PIAS1: variants seen among roughly 807,000 people sequenced by gnomAD.
The protein encoded by PIAS1 is E3 SUMO-protein ligase PIAS1.
In PIAS1, 6 loss-of-function variants were observed where a neutral mutation model predicts 71.3. That is an observed-to-expected ratio of 0.08 (90% CI 0.05 to 0.17). PIAS1 has a LOEUF of 0.17. Ranked by LOEUF, PIAS1 falls within the 10% of genes least tolerant of loss-of-function variation. The probability of loss-of-function intolerance (pLI) is 1.00; values close to 1 mark genes in which losing one functional copy is unlikely to be tolerated. For missense variants in PIAS1, 555 were observed against 793.6 expected (o/e 0.70, Z 3.61); for synonymous variants, 303 against 292.9 (o/e 1.03, Z -0.35).
rs201688724 is a variant in PIAS1, at chr15:68,094,375, A to AAT, written c.469+7636_469+7637dup. ...GAAATAATTTATAGAAAATATTTGA[A>AAT]ATATATATATATTTATATAAACTTG... On this transcript the variant is annotated intron_variant, in intron 2 of 13. Coordinates refer to ENST00000249636, the MANE Select transcript of PIAS1 (RefSeq NM_016166.3). Among the ~76,000 whole-genome samples the AAT allele has an allele frequency of 4.1e-3, 621 of 151,720 alleles. 5 individuals carry two copies. Among genetic ancestry groups the AAT allele is most frequent in the African/African-American group, 0.012 (516 of 41,446 alleles).
chr15:68,140,565 A>G (rs2092763279), intron 2 of PIAS1, among the ~76,000 whole-genome samples: 1 of 152,226 alleles, frequency 6.6e-6, no homozygotes, highest in Admixed American at 6.5e-5. Flanking sequence ...CCTAGAACAC[A>G]TAAAGCAGAA....
intron 2 of PIAS1, among the ~76,000 whole-genome samples, chr15:68,108,806 G>T (rs1026694022): frequency 7.2e-5 from 11 of 152,100 alleles, no homozygotes; most frequent in African/African-American, 2.7e-4. Flanking sequence ...TAGTTAGGAT[G>T]TTTTATTGGC....
intron 7 of PIAS1, among the ~76,000 whole-genome samples, chr15:68,161,041 CT>C (rs1225261096): frequency 4.6e-5 from 7 of 152,138 alleles, no homozygotes; most frequent in African/African-American, 1.7e-4. Context: ...ACCTTATGGT[CT>C]GCATAGAAAA....
chr15:68,112,625 G>A (rs763000474), intron 2 of PIAS1, among the ~76,000 whole-genome samples: 2 of 152,118 alleles, frequency 1.3e-5, no homozygotes, highest in Non-Finnish European at 2.9e-5. Flanking sequence ...AGGCCAATAA[G>A]GGTATGAAAA....
At chr15:68,078,851 G>T (rs911753028) in intron 1 of PIAS1, among the ~76,000 whole-genome samples, 1 of 152,100 alleles carries the variant, frequency 6.6e-6, no homozygotes, top group South Asian at 2.1e-4. Context: ...TTTTTAGTCT[G>T]TCAACCCATG....
chr15:68,082,529 AGTT>A (rs1192319965), intron 1 of PIAS1, among the ~76,000 whole-genome samples: 1 of 152,194 alleles, frequency 6.6e-6, no homozygotes, highest in Non-Finnish European at 1.5e-5. Context: ...AAAATGGTGT[AGTT>A]ATTAACTGTA....
chr15:68,138,431 T>C (rs572193908), intron 2 of PIAS1, among the ~76,000 whole-genome samples: 27 of 152,244 alleles, frequency 1.8e-4, no homozygotes, highest in South Asian at 6.2e-4. Flanking sequence ...ACAAATGATA[T>C]GTGCTGTGAC....
chr15:68,062,894 A>G (rs2091976614), intron 1 of PIAS1, among the ~76,000 whole-genome samples: 1 of 152,178 alleles, frequency 6.6e-6, no homozygotes, highest in Admixed American at 6.5e-5. Context: ...AGACAATGAG[A>G]TGGTCTCATT....
At chr15:68,059,153 C>T (rs950962686) in intron 1 of PIAS1, among the ~76,000 whole-genome samples, 5 of 151,718 alleles carry the variant, frequency 3.3e-5, no homozygotes, top group African/African-American at 9.7e-5. Context: ...TACAGGTGCC[C>T]GCCACTACGC....
At position 68,153,670 on chromosome 15, in the gene PIAS1, G is replaced by A; in HGVS notation, c.909G>A (p.Arg303=). 6.4e-7 allele frequency: 1 copy of A among 1,567,428 alleles called. No individual in the cohort carries two copies. Among genetic ancestry groups the A allele is most frequent in the Non-Finnish European group, 8.8e-7 (1 of 1,138,000 alleles). The change falls in exon 7 of 14, where the codon AGG becomes AGA. Residue 303 remains arginine, a synonymous_variant. Transcript: ENST00000249636. ...LLQRLRAKGI[R]NPDHSRALIK... is the part of the protein sequence containing the mutation. ...AGAGGTTACGAGCAAAGGGAATAAG[G>A]AATCCGGATCATTCTAGAGCTTTAA...
chr15:68,060,358 G>A (rs1348758117), intron 1 of PIAS1, among the ~76,000 whole-genome samples: 1 of 152,078 alleles, frequency 6.6e-6, no homozygotes, highest in Admixed American at 6.6e-5. Context: ...GCCAGACGTG[G>A]TAATCCCAGC....
intron 7 of PIAS1, among the ~76,000 whole-genome samples, chr15:68,161,345 A>T (rs1204401592): frequency 6.6e-6 from 1 of 152,324 alleles, no homozygotes; most frequent in African/African-American, 2.4e-5. Flanking sequence ...AGATTGAAAG[A>T]TTCTATTGTT....
rs1176917930 is a variant in PIAS1, at chr15:68,186,116, G to A, written c.1663-1426G>A. Among the ~76,000 whole-genome samples, 1 of 152,184 alleles carries A rather than the reference G, an allele frequency of 6.6e-6. No individual in the cohort carries two copies. The highest frequency in any genetic ancestry group is 1.5e-5 in the Non-Finnish European group (1 of 68,040). The stretch of plus-strand genomic sequence containing the variant: ...CACCATGGACATATTTCTGAAAAGA[G>A]TGACACCTCCTTAAGAAGAGCCTCA... On this transcript the variant is annotated intron_variant, in intron 13 of 13. Transcript: ENST00000249636. The surrounding 1 kb of genome is among the most constrained non-coding windows in gnomAD (Gnocchi z 4.4).
intron 2 of PIAS1, among the ~76,000 whole-genome samples, chr15:68,092,353 G>T (rs1195497300): frequency 1.3e-5 from 2 of 151,854 alleles, no homozygotes; most frequent in Admixed American, 6.6e-5. Context: ...TGCATTTTTT[G>T]TAGAGACGGA....
intron 7 of PIAS1, among the ~76,000 whole-genome samples, chr15:68,162,509 A>T (rs539626455): frequency 6.6e-6 from 1 of 152,180 alleles, no homozygotes; most frequent in African/African-American, 2.4e-5. Context: ...AGAGTGAGTT[A>T]AGAGGAGATG....
rs1388386648 is a variant in PIAS1, at chr15:68,189,523, T to A, written c.*1688T>A. 6.6e-6 allele frequency: 1 copy of A among 152,178 alleles called. No homozygotes were observed. The highest frequency in any genetic ancestry group is 1.5e-5 in the Non-Finnish European group (1 of 68,006). 9.4% of individuals were successfully genotyped at this position (152,178 alleles called of 1,614,324 possible). ...GCTGTACTTCAGTTGTATGATAAAA[T>A]TAATGGTTCTCATGACTTGTGTGGC... On this transcript the variant is annotated 3_prime_UTR_variant, in exon 14 of 14. Coordinates refer to ENST00000249636, the MANE Select transcript of PIAS1 (RefSeq NM_016166.3).
In PIAS1 at chr15:68,191,727, CCTT is replaced by C. The variant is rs1340834117; in HGVS notation, c.*3896_*3898del. The C allele has an allele frequency of 1.3e-5, 2 of 152,274 alleles. No homozygotes were observed. Among genetic ancestry groups the C allele is most frequent in the Non-Finnish European group, 2.9e-5 (2 of 68,028 alleles). 9.4% of individuals were successfully genotyped at this position (152,274 alleles called of 1,614,324 possible). A position where few individuals can be genotyped will look rare whatever the true frequency, so the allele number is the denominator to read the frequency against. On this transcript the variant is annotated 3_prime_UTR_variant, in exon 14 of 14. Transcript: ENST00000249636. ...AGTTTGAATGCTAAGAGCACCGTGG[CCTT>C]CTTGTAAACAACACTAGGTGCTAGA...
chr15:68,066,837 C>T (rs1336372841), intron 1 of PIAS1, among the ~76,000 whole-genome samples: 1 of 152,068 alleles, frequency 6.6e-6, no homozygotes, highest in African/African-American at 2.4e-5. Flanking sequence ...GAATCATAAT[C>T]AGGGAAAAGA....
intron 2 of PIAS1, among the ~76,000 whole-genome samples, chr15:68,095,035 A>G (rs1443148955): frequency 2.0e-5 from 3 of 152,216 alleles, no homozygotes; most frequent in Non-Finnish European, 2.9e-5. Context: ...GGAACTAAGA[A>G]TGATTGGCTT....
Sources: gnomAD v4.1 joint callset for allele counts (sites outside exome capture counted in the v4.1 genomes callset) on GRCh38, gnomAD v4.1.1 for gene constraint, Gnocchi (gnomAD v3.1) non-coding constraint, MANE v1.5 for transcripts, NCBI Gene and HGNC (gene_info 2026-07-23, HGNC 2026-07-21) for gene names.